Variants in SPAG9 observed in about 807,000 individuals in gnomAD.
SPAG9 encodes the protein sperm associated antigen 9, also known as C-Jun-amino-terminal kinase-interacting protein 4.
SPAG9 carries 35 observed loss-of-function variants against 166.5 expected under a neutral mutation model. The ratio of observed to expected loss-of-function variants is 0.21; its 90% CI spans 0.16 to 0.28. The LOEUF is 0.28. Ranked by LOEUF, SPAG9 falls within the 10% of genes least tolerant of loss-of-function variation. SPAG9 has a pLI of 1.00. For missense variants in SPAG9, 1,235 were observed against 1,603.3 expected (o/e 0.77, Z 3.92); for synonymous variants, 534 against 565.5 (o/e 0.94, Z 0.79).
intron 5 of SPAG9, among the ~76,000 whole-genome samples, chr17:51,032,665 G>C (rs561503562): frequency 1.7e-4 from 26 of 152,224 alleles, no homozygotes; most frequent in Non-Finnish European, 2.9e-4. Flanking sequence ...GCCGGCCGCA[G>C]TGGCACACAC....
At chr17:51,064,850 G>A (rs748583701) in intron 2 of SPAG9, among the ~76,000 whole-genome samples, 48 of 152,206 alleles carry the variant, frequency 3.2e-4, no homozygotes, top group African/African-American at 5.5e-4. Context: ...GGCCGGGTGC[G>A]GTGGCTCAGG....
chr17:51,036,653 CT>C (rs1422428054), intron 5 of SPAG9, among the ~76,000 whole-genome samples: 2 of 152,102 alleles, frequency 1.3e-5, no homozygotes, highest in Admixed American at 1.3e-4. Flanking sequence ...TGTTTAGGGT[CT>C]TGTACCCCCA....
In SPAG9 at chr17:51,060,408, CA is replaced by C. The variant is rs2047474283; in HGVS notation, c.425-3927del. On this transcript the variant is annotated intron_variant, in intron 2 of 29. Transcript: ENST00000262013. The stretch of plus-strand genomic sequence containing the variant: ...ATCCCAGCTACTCGGGAGGCTGAGG[CA>C]GGAGGATCGCTTGAATCTGGGAGAT... Among the ~76,000 whole-genome samples, 8 of 150,260 alleles carry C rather than the reference CA, an allele frequency of 5.3e-5. 1 individual carries two copies. In the Admixed American group the frequency reaches 5.4e-4, roughly 10 times the overall value.
At chr17:51,051,095 T>C (rs1440746586) in intron 3 of SPAG9, among the ~76,000 whole-genome samples, 2 of 150,786 alleles carry the variant, frequency 1.3e-5, no homozygotes, top group Non-Finnish European at 3.0e-5. Context: ...AAATGTCTAG[T>C]GGAACTAAAG....
chr17:51,014,802 G>GTATA (rs750934384), intron 8 of SPAG9: 5,560 of 152,330 alleles, frequency 0.036, 256 homozygotes, highest in East Asian at 0.19. Flanking sequence ...TTACCTTTAA[G>GTATA]GTTAAAAACA....
intron 2 of SPAG9, among the ~76,000 whole-genome samples, 163 bp downstream of exon 2, chr17:51,079,421 T>C (rs2048103051): frequency 6.6e-6 from 1 of 152,130 alleles, no homozygotes; most frequent in South Asian, 2.1e-4. Flanking sequence ...GTATTTTTAG[T>C]AGAGACGAGG....
At chr17:50,970,290 G>C (rs1486538640) in intron 29 of SPAG9, among the ~76,000 whole-genome samples, 1 of 152,122 alleles carries the variant, frequency 6.6e-6, no homozygotes, top group Non-Finnish European at 1.5e-5. Context: ...GAGGCAGGCG[G>C]ATCACTTGAG....
At chr17:50,979,380 G>GAAAAAAAA (rs76167072) in intron 26 of SPAG9, among the ~76,000 whole-genome samples, 18 of 76,078 alleles carry the variant, frequency 2.4e-4, no homozygotes, top group Admixed American at 1.5e-4. Context: ...TTGAAAAAAA[G>GAAAAAAAA]AAAAAAAAAA....
Position 51,079,604 on chromosome 17 carries a change from G to A in SPAG9, c.404C>T (p.Ala135Val), listed in dbSNP as rs772202821. The A allele has an allele frequency of 6.2e-6, 10 of 1,613,248 alleles. No homozygotes were observed. Among genetic ancestry groups the A allele is most frequent in the African/African-American group, 1.3e-5 (1 of 74,838 alleles). The change falls in exon 2 of 30, where the codon GCG becomes GTG. Residue 135 changes from alanine to valine, a missense_variant. This residue lies in a region of SPAG9 where 288 missense variants were observed against 323.7 expected (regional missense o/e 0.89). Transcript: ENST00000262013. ...CTTACTCTGGTCAGCATAGTTTTTC[G>A]CTTTCAGCTCAAGTTGTCTTGTTTG... is the stretch of plus-strand genomic sequence containing the variant. Reference protein sequence around the residue: ...ESQTRQLELKAKNYADQISRL... With the variant: ...ESQTRQLELKVKNYADQISRL...
At chr17:51,005,147 G>A in intron 12 of SPAG9, 65 bp downstream of exon 12, 1 of 1,365,722 alleles carries the variant, frequency 7.3e-7, no homozygotes, top group Non-Finnish European at 1.0e-6. Context: ...GCTTACGTAG[G>A]AAGATCTTCC....
intron 19 of SPAG9, 37 bp from the exon 20 acceptor site, chr17:50,990,705 T>A (rs1337268129): frequency 6.5e-7 from 1 of 1,533,978 alleles, no homozygotes; most frequent in Non-Finnish European, 9.0e-7. Context: ...CAAAGTAAAC[T>A]TCTATAAATA....
chr17:51,086,224 C>T (rs2048302972), intron 1 of SPAG9, among the ~76,000 whole-genome samples: 1 of 151,926 alleles, frequency 6.6e-6, no homozygotes, highest in Non-Finnish European at 1.5e-5. Context: ...AGGTGATCTG[C>T]CTGCGTCGGC....
intron 1 of SPAG9, among the ~76,000 whole-genome samples, chr17:51,098,682 C>T (rs1157843039): frequency 2.6e-5 from 4 of 152,002 alleles, no homozygotes; most frequent in African/African-American, 4.8e-5. Context: ...TTAGTAGAGA[C>T]GGGGTTTCTC....
In SPAG9 at chr17:51,063,967, A is replaced by T. The variant is rs987000018; in HGVS notation, c.425-7485T>A. Among the ~76,000 whole-genome samples, 6 of 152,218 alleles carry T rather than the reference A, an allele frequency of 3.9e-5. No individual in the cohort carries two copies. The East Asian group carries it at 9.6e-4, about 24-fold the overall frequency. Reference sequence around the variant, plus strand: ...TTTTAAAAAAATAAAATAAAAGCAGACAAAAAATAAAAGGGTTAAAATATC... The same window carrying T: ...TTTTAAAAAAATAAAATAAAAGCAGTCAAAAAATAAAAGGGTTAAAATATC... On this transcript the variant is annotated intron_variant, in intron 2 of 29. Coordinates refer to ENST00000262013, the MANE Select transcript of SPAG9 (RefSeq NM_001130528.3).
intron 1 of SPAG9, among the ~76,000 whole-genome samples, chr17:51,093,612 G>A (rs1226406182): frequency 3.4e-5 from 5 of 147,044 alleles, no homozygotes; most frequent in East Asian, 2.0e-4. Flanking sequence ...GGAGAATGGC[G>A]TGAACCCAGG....
chr17:50,989,702 C>G lies in SPAG9; in HGVS notation c.2788G>C (p.Asp930His). ...TDPLGVQIPE[D>H]LSPVYQSSND... Reference sequence around the variant, plus strand: ...CTCGACTGATACACTGGGGAGAGGTCTTCTGGGATCTGAACTCCCAAAGGA... The same window carrying G: ...CTCGACTGATACACTGGGGAGAGGTGTTCTGGGATCTGAACTCCCAAAGGA... The change falls in exon 21 of 30, where the codon GAC becomes CAC. Residue 930 changes from aspartate (D) to histidine (H), a missense_variant. Coordinates refer to ENST00000262013, the MANE Select transcript of SPAG9 (RefSeq NM_001130528.3). 1 of 1,614,116 alleles carries G rather than the reference C, an allele frequency of 6.2e-7. No individual in the cohort carries two copies. Among genetic ancestry groups the G allele is most frequent in the East Asian group, 2.2e-5 (1 of 44,884 alleles).
chr17:51,019,422 T>C (rs948756267), intron 8 of SPAG9, among the ~76,000 whole-genome samples: 2 of 150,910 alleles, frequency 1.3e-5, no homozygotes, highest in Admixed American at 1.3e-4. Flanking sequence ...CTAGGCATGG[T>C]GGTGGGTGCC....
chr17:51,021,404 C>T (rs757954352), intron 6 of SPAG9, 39 bp from the exon 7 acceptor site: 24 of 1,457,968 alleles, frequency 1.6e-5, no homozygotes, highest in Admixed American at 3.8e-5. Context: ...TTTTAAATGA[C>T]GAATTTACTC....
intron 19 of SPAG9, among the ~76,000 whole-genome samples, chr17:50,993,251 G>A (rs1975765230): frequency 1.3e-5 from 2 of 150,106 alleles, no homozygotes; most frequent in East Asian, 1.9e-4. Flanking sequence ...GGAAGGTGGA[G>A]GTTGCAGTGA....
Sources: gnomAD v4.1 joint callset for allele counts (sites outside exome capture counted in the v4.1 genomes callset) on GRCh38, gnomAD v4.1.1 for gene constraint, gnomAD v4.1.1 regional missense constraint, MANE v1.5 for transcripts, NCBI Gene and HGNC (gene_info 2026-07-23, HGNC 2026-07-21) for gene names.